PCGF5: variants seen among roughly 807,000 people sequenced by gnomAD.
PCGF5 encodes the protein polycomb group RING finger protein 5.
PCGF5 carries 9 observed loss-of-function variants against 44.3 expected under a neutral mutation model. That is an observed-to-expected ratio of 0.20 (90% CI 0.12 to 0.35). The LOEUF (loss-of-function observed/expected upper bound fraction) is 0.35. PCGF5 is among the 10% of genes least tolerant of loss of function. The probability of loss-of-function intolerance (pLI) is 1.00; values close to 1 mark genes in which losing one functional copy is unlikely to be tolerated. For synonymous variants in PCGF5, 95 were observed against 102.5 expected, an observed-to-expected ratio of 0.93 and a Z score of 0.44; for missense variants, 146 against 305.3, an observed-to-expected ratio of 0.48 and a Z score of 3.89.
intron 1 of PCGF5, among the ~76,000 whole-genome samples, chr10:91,166,845 A>G (rs1435751185): frequency 2.0e-5 from 3 of 152,222 alleles, no homozygotes; most frequent in Non-Finnish European, 4.4e-5. Context: ...TAATGTATAT[A>G]TATAATGTGT....
chr10:91,231,092 T>C (rs180870740), intron 2 of PCGF5, among the ~76,000 whole-genome samples: 15 of 152,328 alleles, frequency 9.8e-5, no homozygotes, highest in Non-Finnish European at 1.3e-4. Flanking sequence ...GTAAACTCAG[T>C]CGTCTCCCTT....
At chr10:91,225,932 C>T (rs1451077769) in intron 2 of PCGF5, among the ~76,000 whole-genome samples, 3 of 151,828 alleles carry the variant, frequency 2.0e-5, no homozygotes, top group Non-Finnish European at 4.4e-5. Flanking sequence ...TACAGTTGTT[C>T]TGTGATTTGG....
At chr10:91,206,399 A>G (rs1042580031) in intron 1 of PCGF5, among the ~76,000 whole-genome samples, 1 of 152,186 alleles carries the variant, frequency 6.6e-6, no homozygotes, top group African/African-American at 2.4e-5. Flanking sequence ...CTCAAAAACC[A>G]AAGAGACAAT....
At chr10:91,200,526 C>CA (rs1844232405) in intron 1 of PCGF5, among the ~76,000 whole-genome samples, 1 of 152,150 alleles carries the variant, frequency 6.6e-6, no homozygotes. Flanking sequence ...GAAAGCTGTG[C>CA]ATTGCATTTG....
chr10:91,227,615 G>GC, intron 2 of PCGF5: 1 of 1,139,006 alleles, frequency 8.8e-7, no homozygotes, highest in Non-Finnish European at 1.1e-6. Context: ...ATTCTTAACT[G>GC]TGTCCAAGTG....
At chr10:91,195,485 T>G (rs3847454) in intron 1 of PCGF5, among the ~76,000 whole-genome samples, 12,249 of 113,408 alleles carry the variant, frequency 0.11, 598 homozygotes, top group East Asian at 0.17. Context: ...TATATATATA[T>G]AGAGAGAGAG....
chr10:91,170,143 C>T (rs1354425482), intron 1 of PCGF5, among the ~76,000 whole-genome samples: 1 of 152,194 alleles, frequency 6.6e-6, no homozygotes, highest in Non-Finnish European at 1.5e-5. Context: ...AAATGGATCA[C>T]AGACCTGAAT....
chr10:91,177,161 T>C (rs991207234), intron 1 of PCGF5, among the ~76,000 whole-genome samples: 53 of 142,908 alleles, frequency 3.7e-4, no homozygotes, highest in South Asian at 2.5e-3. Flanking sequence ...TGGAGTTTGC[T>C]GGAGGTCCAC....
chr10:91,276,180 G>A (rs1846308284), intron 9 of PCGF5, among the ~76,000 whole-genome samples: 1 of 150,464 alleles, frequency 6.6e-6, no homozygotes, highest in African/African-American at 2.4e-5. Flanking sequence ...ATCTTTGGAT[G>A]GTAGGATTTA....
chr10:91,193,441 G>C lies in PCGF5; in HGVS notation c.-183-29248G>C, dbSNP rs185161256. ...CAGCAATAGAAAACTAAAAGGGATGGGGGGGTGGGACATTAAGCTGATAGT... is the reference window on the plus strand; with the variant it reads ...CAGCAATAGAAAACTAAAAGGGATGCGGGGGTGGGACATTAAGCTGATAGT... On this transcript the variant is annotated intron_variant, in intron 1 of 9. Transcript: ENST00000614189. Among the ~76,000 whole-genome samples the C allele has an allele frequency of 7.2e-5, 11 of 152,172 alleles. No individual in the cohort carries two copies. The East Asian group carries it at 1.4e-3, about 19-fold the overall frequency.
At chr10:91,232,096 G>A (rs906018082) in intron 2 of PCGF5, among the ~76,000 whole-genome samples, 1 of 152,152 alleles carries the variant, frequency 6.6e-6, no homozygotes, top group Non-Finnish European at 1.5e-5. Flanking sequence ...TGAGATAGGA[G>A]GACAATGGGA....
intron 2 of PCGF5, among the ~76,000 whole-genome samples, chr10:91,224,521 A>G (rs1272280565): frequency 6.6e-6 from 1 of 152,184 alleles, no homozygotes; most frequent in African/African-American, 2.4e-5. Context: ...ATTAGTGATA[A>G]GTAGTATGAA....
intron 1 of PCGF5, among the ~76,000 whole-genome samples, chr10:91,199,901 AG>A (rs773252285): frequency 6.6e-6 from 1 of 152,228 alleles, no homozygotes; most frequent in Non-Finnish European, 1.5e-5. Context: ...TCAACAGGAA[AG>A]TAGAGAAGTG....
chr10:91,255,722 A>T (rs1845731564), intron 6 of PCGF5, among the ~76,000 whole-genome samples: 1 of 152,042 alleles, frequency 6.6e-6, no homozygotes, highest in South Asian at 2.1e-4. Flanking sequence ...TATTATTTAA[A>T]ATGTCTAGTT....
chr10:91,213,101 TTAAG>T (rs1195845218), intron 1 of PCGF5, among the ~76,000 whole-genome samples: 3 of 152,198 alleles, frequency 2.0e-5, no homozygotes, highest in Non-Finnish European at 4.4e-5. Context: ...TATGTGCAGT[TTAAG>T]TGTTTTCAAG....
chr10:91,261,328 T>C lies in PCGF5; in HGVS notation c.477T>C (p.Gly159=), dbSNP rs1285730080. ...NGQSGDNVVK[G]LMKKFIRCST... Reference sequence around the variant, plus strand: ...CTGGTAATCTTTATTTCCTTTAGGGTTTAATGAAGAAATTCATTCGATGTT... The same window carrying C: ...CTGGTAATCTTTATTTCCTTTAGGGCTTAATGAAGAAATTCATTCGATGTT... The change falls in exon 7 of 10, where the codon GGT becomes GGC. Residue 159 remains glycine (G), a splice_region_variant and synonymous_variant. Coordinates refer to ENST00000336126, the MANE Select transcript of PCGF5 (RefSeq NM_032373.5). 2 of 1,498,288 alleles carry C rather than the reference T, an allele frequency of 1.3e-6. No individual in the cohort carries two copies. Among genetic ancestry groups the C allele is most frequent in the African/African-American group, 1.4e-5 (1 of 72,356 alleles). 92.8% of individuals were successfully genotyped at this position (1,498,288 alleles called of 1,614,324 possible). A position where few individuals can be genotyped will look rare whatever the true frequency, so the allele number is the denominator to read the frequency against.
At chr10:91,168,231 G>C (rs532890151) in intron 1 of PCGF5, among the ~76,000 whole-genome samples, 1 of 152,292 alleles carries the variant, frequency 6.6e-6, no homozygotes, top group East Asian at 1.9e-4. Context: ...GGCTAGGATA[G>C]AGCCTTGTAA....
intron 1 of PCGF5, among the ~76,000 whole-genome samples, chr10:91,195,485 T>TAG (rs57633765): frequency 0.17 from 19,570 of 113,296 alleles, 1,603 homozygotes; most frequent in Non-Finnish European, 0.24. Context: ...TATATATATA[T>TAG]AGAGAGAGAG....
At chr10:91,166,794 G>T (rs1348051119) in intron 1 of PCGF5, among the ~76,000 whole-genome samples, 5 of 152,132 alleles carry the variant, frequency 3.3e-5, no homozygotes, top group Non-Finnish European at 5.9e-5. Context: ...TCTAAAGTGG[G>T]GATAATGCCA....
Sources: gnomAD v4.1 joint callset for allele counts (sites outside exome capture counted in the v4.1 genomes callset) on GRCh38, gnomAD v4.1.1 for gene constraint, MANE v1.5 for transcripts, NCBI Gene and HGNC (gene_info 2026-07-23, HGNC 2026-07-21) for gene names.